The following PTPRS variants were observed in gnomAD, a reference collection of about 807,000 sequenced individuals.
The protein encoded by PTPRS is protein tyrosine phosphatase receptor type S.
A neutral mutation model predicts 215.3 loss-of-function variants in PTPRS; 63 were observed. The observed-to-expected ratio is 0.29, with a 90% CI of 0.24 to 0.36. The LOEUF (loss-of-function observed/expected upper bound fraction) is 0.36, where lower values mean the gene tolerates loss of function less well. Ranked by LOEUF, PTPRS falls within the 10% of genes least tolerant of loss-of-function variation. The pLI, the probability that PTPRS is intolerant of heterozygous loss-of-function variation, is 1.00. For synonymous variants in PTPRS, 1,404 were observed against 1,191.4 expected, an observed-to-expected ratio of 1.18 and a Z score of -3.68; for missense variants, 2,258 against 2,825.8, an observed-to-expected ratio of 0.80 and a Z score of 4.56.
intron 4 of PTPRS, among the ~76,000 whole-genome samples, chr19:5,268,507 C>T (rs908688644): frequency 5.9e-5 from 9 of 151,828 alleles, no homozygotes; most frequent in African/African-American, 1.2e-4. Flanking sequence ...GAGCCCCAGG[C>T]AAGCAGCAGG....
In PTPRS at chr19:5,206,433, C is replaced by G. The variant is rs2040371134; in HGVS notation, c.*341G>C. 2.9e-6 allele frequency: 1 copy of G among 350,690 alleles called. No homozygotes were observed. The allele number at this position is 350,690 out of a possible 1,614,324, so 21.7% of individuals were successfully genotyped here. ...CGCTGGGGGAGGACGAGGGGTCCGT[C>G]TATGGTCTGTGCCCCACCCTCCTCT... On this transcript the variant is annotated 3_prime_UTR_variant, in exon 38 of 38. Transcript: ENST00000262963.
At chr19:5,264,923 G>T in intron 5 of PTPRS, 85 bp downstream of exon 5, 1 of 1,451,084 alleles carries the variant, frequency 6.9e-7, no homozygotes, top group Non-Finnish European at 9.4e-7. Context: ...TCCTCCAGTA[G>T]TCCCCAGAAC....
intron 1 of PTPRS, among the ~76,000 whole-genome samples, chr19:5,300,776 A>G (rs1167358846): frequency 1.3e-5 from 2 of 151,430 alleles, no homozygotes; most frequent in African/African-American, 2.4e-5. Flanking sequence ...TCAAAAAAAA[A>G]AAAAAAAAAG....
chr19:5,248,583 G>T (rs938187026), intron 9 of PTPRS, among the ~76,000 whole-genome samples: 1 of 152,146 alleles, frequency 6.6e-6, no homozygotes, highest in Non-Finnish European at 1.5e-5. Context: ...AAAATCCTTC[G>T]GAACAAACCA....
chr19:5,327,900 T>A (rs912573296), intron 1 of PTPRS, among the ~76,000 whole-genome samples: 1 of 151,980 alleles, frequency 6.6e-6, no homozygotes, highest in Admixed American at 6.6e-5. Context: ...CATGCCCGGG[T>A]ACTGGTTGAC....
intron 1 of PTPRS, among the ~76,000 whole-genome samples, chr19:5,305,795 C>T (rs1249030638): frequency 1.4e-5 from 2 of 140,418 alleles, no homozygotes; most frequent in Non-Finnish European, 3.1e-5. Context: ...TTCCAATTAG[C>T]CGGGCGTGGT....
At position 5,257,548 on chromosome 19, in the gene PTPRS, G is replaced by T. The variant is rs2045660058; in HGVS notation, c.706+469C>A. ...CTAGATTGAGGGCCCTGGATTAGGG[G>T]GGGCAGTGAAGCGGGGAGCTACGAG... On this transcript the variant is annotated intron_variant, in intron 8 of 37. Coordinates refer to ENST00000262963, the MANE Select transcript of PTPRS (RefSeq NM_002850.4). This position sits in a 1 kb window ranked among gnomAD's most constrained non-coding sequence, Gnocchi z 4.4. The T allele has an allele frequency of 2.3e-6, 1 of 441,922 alleles. No homozygotes were observed. Among genetic ancestry groups the T allele is most frequent in the South Asian group, 1.6e-5 (1 of 63,210 alleles). The allele number at this position is 441,922 out of a possible 1,614,324, so 27.4% of individuals were successfully genotyped here.
At chr19:5,273,409 T>C (rs2047088501) in intron 4 of PTPRS, 33 bp downstream of exon 4, 32 of 1,613,742 alleles carry the variant, frequency 2.0e-5, no homozygotes, top group Non-Finnish European at 2.7e-5. Context: ...CAGGGCCCAG[T>C]TTATCCTCCG....
intron 12 of PTPRS, 60 bp from the exon 13 acceptor site, chr19:5,239,123 CAAAGGGGAGAGAGAGAGAGACAG>C (rs2043755036): frequency 8.4e-7 from 1 of 1,195,214 alleles, no homozygotes; most frequent in Non-Finnish European, 1.2e-6. Context: ...GAGACAGAAA[CAAAGGGGAGAGAGAGAGAGACAG>C]AAACAGAGGG....
At chr19:5,326,688 G>GAAAAAGAAAGAA (rs2147251773) in intron 1 of PTPRS, among the ~76,000 whole-genome samples, 1 of 105,888 alleles carries the variant, frequency 9.4e-6, no homozygotes, top group South Asian at 3.1e-4. Context: ...GCTGTCAAAA[G>GAAAAAGAAAGAA]AAAAAGAAAG....
At chr19:5,290,658 T>G (rs1396179375) in intron 1 of PTPRS, among the ~76,000 whole-genome samples, 1 of 151,996 alleles carries the variant, frequency 6.6e-6, no homozygotes, top group African/African-American at 2.4e-5. Flanking sequence ...CATGCTGCCC[T>G]GTCCTGGGGC....
Position 5,212,086 on chromosome 19 carries a change from A to G in PTPRS, c.4934T>C (p.Leu1645Pro). ...GTTGCCACAGCCCACGGCCTCCAGC[A>G]GGGCCTCGTGGATGAAGCTGTACTG... ...EDQYSFIHEA[L>P]LEAVGCGNTE... The change falls in exon 32 of 38, where the codon CTG becomes CCG. Residue 1645 changes from leucine (L) to proline (P), a missense_variant. This residue lies in a region of PTPRS where 927 missense variants were observed against 1,125.9 expected (regional missense o/e 0.82). Coordinates refer to ENST00000262963, the MANE Select transcript of PTPRS (RefSeq NM_002850.4). 6.2e-7 allele frequency: 1 copy of G among 1,614,092 alleles called. No individual in the cohort carries two copies. The highest frequency in any genetic ancestry group is 8.5e-7 in the Non-Finnish European group (1 of 1,180,052).
At chr19:5,285,861 C>G (rs1027921603) in intron 2 of PTPRS, among the ~76,000 whole-genome samples, 189 bp downstream of exon 2, 25 of 152,200 alleles carry the variant, frequency 1.6e-4, no homozygotes. Flanking sequence ...TATTATTTAT[C>G]TCTGAATCTC....
At chr19:5,215,693 G>T in intron 26 of PTPRS, 98 bp from the exon 27 acceptor site, 7 of 876,676 alleles carry the variant, frequency 8.0e-6, no homozygotes, top group Non-Finnish European at 1.2e-5. Flanking sequence ...TGCGATGGGT[G>T]AGCTGTGGTT....
intron 9 of PTPRS, among the ~76,000 whole-genome samples, chr19:5,250,108 A>G (rs955617918): frequency 6.6e-6 from 1 of 152,244 alleles, no homozygotes; most frequent in African/African-American, 2.4e-5. Context: ...ATGGCCGGCA[A>G]CCATCAGTTA....
Position 5,222,945 on chromosome 19 carries a change from G to A in PTPRS, c.2847C>T (p.Arg949=). The part of the protein sequence containing the change: ...GNASAGTVLL[R]WLPPVPAERN... The stretch of plus-strand genomic sequence containing the variant: ...GCTCGGCGGGCACGGGTGGCAGCCA[G>A]CGGAGAAGGACGGTCCCGGCCGAGG... Residue 949 remains arginine, a synonymous_variant, in exon 18 of 38, where the codon CGC becomes CGT. Transcript: ENST00000262963. 6.4e-7 allele frequency: 1 copy of A among 1,554,172 alleles called. No individual in the cohort carries two copies. Among genetic ancestry groups the A allele is most frequent in the Non-Finnish European group, 8.6e-7 (1 of 1,156,880 alleles).
intron 1 of PTPRS, among the ~76,000 whole-genome samples, chr19:5,316,873 C>A (rs765305228): frequency 7.2e-5 from 11 of 152,196 alleles, no homozygotes; most frequent in Non-Finnish European, 1.2e-4. Context: ...GGGTTCTGCA[C>A]ACATAGCACT....
chr19:5,331,703 C>T (rs1423681288), intron 1 of PTPRS, among the ~76,000 whole-genome samples: 1 of 152,160 alleles, frequency 6.6e-6, no homozygotes, highest in East Asian at 1.9e-4. Context: ...CAAGAGCAAA[C>T]GACTGCGCTA....
intron 9 of PTPRS, among the ~76,000 whole-genome samples, chr19:5,250,048 T>G (rs2044855994): frequency 6.6e-6 from 1 of 152,168 alleles, no homozygotes; most frequent in Non-Finnish European, 1.5e-5. Flanking sequence ...CAGTTTAATG[T>G]GGGAGGGCAT....
Sources: gnomAD v4.1 joint callset for allele counts (sites outside exome capture counted in the v4.1 genomes callset) on GRCh38, gnomAD v4.1.1 for gene constraint, gnomAD v4.1.1 regional missense constraint, Gnocchi (gnomAD v3.1) non-coding constraint, MANE v1.5 for transcripts, NCBI Gene and HGNC (gene_info 2026-07-23, HGNC 2026-07-21) for gene names.